Variants in PRRC2B observed in about 807,000 individuals in gnomAD.
PRRC2B encodes the protein proline rich coiled-coil 2B, also known as protein PRRC2B.
PRRC2B carries 68 observed loss-of-function variants against 242.3 expected under a neutral mutation model. That is an observed-to-expected ratio of 0.28 (90% CI 0.23 to 0.34). The LOEUF (loss-of-function observed/expected upper bound fraction) is 0.34. Among genes scored for constraint, PRRC2B ranks in the 10% least tolerant of loss-of-function variants. The pLI, the probability that PRRC2B is intolerant of heterozygous loss-of-function variation, is 1.00. For missense variants in PRRC2B, 2,835 were observed against 2,954.8 expected (o/e 0.96, Z 0.94); for synonymous variants, 1,228 against 1,173.6 (o/e 1.05, Z -0.95).
chr9:131,479,280 C>G lies in PRRC2B; in HGVS notation c.4787C>G (p.Ser1596Cys). 6.2e-7 allele frequency: 1 copy of G among 1,613,890 alleles called. No individual in the cohort carries two copies. Among genetic ancestry groups the G allele is most frequent in the Non-Finnish European group, 8.5e-7 (1 of 1,179,840 alleles). The change falls in exon 19 of 32, where the codon TCC (serine) becomes TGC (cysteine). Residue 1596 changes from serine (S) to cysteine (C), a missense_variant. Transcript: ENST00000683519. ...CCTGTCAAAGGTCGAGGCCTTTCCTCCCGTATTCCTCCTCGATTTGCAAAA... is the reference window on the plus strand; with the variant it reads ...CCTGTCAAAGGTCGAGGCCTTTCCTGCCGTATTCCTCCTCGATTTGCAAAA... ...QVPVKGRGLS[S>C]RIPPRFAKKQ...
intron 1 of PRRC2B, among the ~76,000 whole-genome samples, chr9:131,418,157 A>G (rs1226940685): frequency 1.3e-5 from 2 of 152,234 alleles, no homozygotes; most frequent in African/African-American, 2.4e-5. Context: ...GCCAAGGAGC[A>G]TTGCATCAGG....
chr9:131,417,941 C>T (rs998544044), intron 1 of PRRC2B, among the ~76,000 whole-genome samples: 3 of 152,192 alleles, frequency 2.0e-5, no homozygotes, highest in East Asian at 1.9e-4. Flanking sequence ...TTGCTGTGGT[C>T]GCTACAGAGC....
At chr9:131,406,368 T>C (rs1240502207) in intron 1 of PRRC2B, among the ~76,000 whole-genome samples, 1 of 152,168 alleles carries the variant, frequency 6.6e-6, no homozygotes, top group Non-Finnish European at 1.5e-5. Flanking sequence ...AGCTGGCAGC[T>C]GCCCTGTGTC....
chr9:131,492,621 A>G (rs1944227801), intron 30 of PRRC2B, among the ~76,000 whole-genome samples: 1 of 152,208 alleles, frequency 6.6e-6, no homozygotes, highest in African/African-American at 2.4e-5. Flanking sequence ...CATCCTGGCA[A>G]GGGGAGGAGC....
intron 1 of PRRC2B, among the ~76,000 whole-genome samples, chr9:131,377,000 C>T (rs1836693750): frequency 2.0e-5 from 3 of 152,108 alleles, no homozygotes; most frequent in Admixed American, 6.6e-5. Flanking sequence ...CAGCAAGACC[C>T]GGTCCGTTGA....
chr9:131,408,208 C>T (rs1185903246), intron 1 of PRRC2B, among the ~76,000 whole-genome samples: 13 of 152,308 alleles, frequency 8.5e-5, no homozygotes, highest in African/African-American at 2.9e-4. Flanking sequence ...TGAGAGGTCT[C>T]GGGCCTTGCT....
At chr9:131,495,390 T>G (rs1385230630) in intron 31 of PRRC2B, among the ~76,000 whole-genome samples, 4 of 152,122 alleles carry the variant, frequency 2.6e-5, no homozygotes, top group Non-Finnish European at 4.4e-5. Flanking sequence ...CTTTTTTGCC[T>G]GTGGGGCAGG....
chr9:131,381,417 C>CTTT (rs34806343), intron 1 of PRRC2B, among the ~76,000 whole-genome samples: 4 of 102,460 alleles, frequency 3.9e-5, no homozygotes, highest in Non-Finnish European at 5.9e-5. Context: ...AGTTCTGGTT[C>CTTT]TTTTTTTTTT....
rs1389742685 is a variant in PRRC2B, at chr9:131,487,257, C to G, written c.5947C>G (p.Gln1983Glu). Residue 1983 changes from glutamine to glutamate, a missense_variant, in exon 27 of 32, where the codon CAG becomes GAG. Transcript: ENST00000683519. This position sits in a 1 kb window ranked among gnomAD's most constrained non-coding sequence, Gnocchi z 5.3. ...ACTGAGGGGTGGGCTTCCTGTGTCC[C>G]AGTCCCAGGAGATCTTCAGCTCCTT... ...LGLRGGLPVS[Q>E]SQEIFSSLQP... is the part of the protein sequence containing the mutation. 13 of 1,612,594 alleles carry G rather than the reference C, an allele frequency of 8.1e-6. No individual in the cohort carries two copies. The highest frequency in any genetic ancestry group is 1.0e-5 in the Non-Finnish European group (12 of 1,179,174).
At chr9:131,389,209 G>A (rs190207185), upstream of PRRC2B, among the ~76,000 whole-genome samples, 132 of 144,108 alleles carry the variant, frequency 9.2e-4, 3 homozygotes, top group African/African-American at 3.3e-3. Context: ...CGGGAATGCA[G>A]TGCTGGGATC....
chr9:131,477,826 G>T lies in PRRC2B; in HGVS notation c.4489G>T (p.Ala1497Ser), dbSNP rs148305718. Residue 1497 changes from alanine (A) to serine (S), a missense_variant, in exon 17 of 32, where the codon GCC (alanine) becomes TCC (serine). Physicochemically the swap from Ala to Ser is moderately conservative, Grantham distance 99. Coordinates refer to ENST00000683519, the MANE Select transcript of PRRC2B (RefSeq NM_013318.4). ...GHSPYALERA[A>S]HASADLPEAS... ...CTCCCCCTATGCCCTGGAGCGGGCA[G>T]CCCATGCCAGTGCTGACCTTCCCGA... 5.9e-4 allele frequency: 946 copies of T among 1,613,372 alleles called. 6 individuals carry two copies. In the African/African-American group the frequency reaches 0.011, roughly 19 times the overall value.
At chr9:131,389,915 G>GTTTTTTTTTTTTTTTT (rs1291046977), upstream of PRRC2B, among the ~76,000 whole-genome samples, 1 of 93,446 alleles carries the variant, frequency 1.1e-5, no homozygotes, top group African/African-American at 3.7e-5. Context: ...GAACATGGTT[G>GTTTTTTTTTTTTTTTT]TTTTTTTTTT....
rs980710277 is a variant in PRRC2B, at chr9:131,494,677, G to A, written c.6555+191G>A. The stretch of plus-strand genomic sequence containing the variant: ...TGGCGAAGGCATTTCTCCTCTTGAC[G>A]GGCGTCTGGATCCTTCCTTGTCCTG... On this transcript the variant is annotated intron_variant, in intron 31 of 31. Transcript: ENST00000683519. This position sits in a 1 kb window ranked among gnomAD's most constrained non-coding sequence, Gnocchi z 4.3. Among the ~76,000 whole-genome samples the A allele has an allele frequency of 1.3e-5, 2 of 152,204 alleles. No homozygotes were observed. Among genetic ancestry groups the A allele is most frequent in the African/African-American group, 4.8e-5 (2 of 41,450 alleles).
Position 131,491,520 on chromosome 9 carries a change from G to A in PRRC2B, c.6321G>A (p.Gly2107=), listed in dbSNP as rs770073179. Residue 2107 remains glycine (G), a synonymous_variant, in exon 29 of 32, where the codon GGG becomes GGA. Coordinates refer to ENST00000683519, the MANE Select transcript of PRRC2B (RefSeq NM_013318.4). ...CACCTGGGCAGAGCCTCTCCGTTGG[G>A]GCCCCCCGAAGGATTCCTCCGCCCG... ...QLPPGQSLSV[G]APRRIPPPGS... The A allele has an allele frequency of 6.2e-7, 1 of 1,612,276 alleles. No homozygotes were observed. Among genetic ancestry groups the A allele is most frequent in the South Asian group, 1.1e-5 (1 of 90,880 alleles).
chr9:131,431,627 G>A (rs977943110), intron 2 of PRRC2B, among the ~76,000 whole-genome samples: 2 of 144,352 alleles, frequency 1.4e-5, no homozygotes, highest in Admixed American at 7.1e-5. Context: ...CTGTTGCTCA[G>A]GCTGGATGGA....
chr9:131,491,592 C>T lies in PRRC2B; in HGVS notation c.6381+12C>T, dbSNP rs776585215. Reference sequence around the variant, plus strand: ...ACACCAGCAGAGAGGTAAGGGGACCCCATCTGCCTCTGACCCTAGGGAGGG... The same window carrying T: ...ACACCAGCAGAGAGGTAAGGGGACCTCATCTGCCTCTGACCCTAGGGAGGG... On this transcript the variant is annotated intron_variant, in intron 29 of 31. Transcript: ENST00000683519. 1.1e-5 allele frequency: 17 copies of T among 1,602,266 alleles called. No homozygotes were observed. The South Asian group carries it at 1.2e-4, about 12-fold the overall frequency.
At position 131,461,231 on chromosome 9, in the gene PRRC2B, G is replaced by C. The variant is rs148748917; in HGVS notation, c.1404+1875G>C. On this transcript the variant is annotated intron_variant, in intron 11 of 31. Transcript: ENST00000683519. ...CACATATGCTCTCCTTGCCCACTCA[G>C]ATGTCATTGTCCCCACTCCTGGATG... 7.7e-3 allele frequency among the ~76,000 whole-genome samples: 1,176 copies of C among 152,258 alleles called. 11 individuals carry two copies. Among genetic ancestry groups the C allele is most frequent in the Middle Eastern group, 0.024 (7 of 294 alleles).
rs201633009 is a variant in PRRC2B, at chr9:131,465,057, A to G, written c.1699A>G (p.Asn567Asp). ...PSAEKASPQENGPAVHKGSPE... is the reference protein window; with the variant it reads ...PSAEKASPQEDGPAVHKGSPE... Reference sequence around the variant, plus strand: ...TGCTGAGAAGGCATCTCCCCAGGAAAACGGCCCTGCTGTCCACAAAGGTAA... The same window carrying G: ...TGCTGAGAAGGCATCTCCCCAGGAAGACGGCCCTGCTGTCCACAAAGGTAA... Residue 567 changes from asparagine (N) to aspartate (D), a missense_variant, in exon 12 of 32, where the codon AAC (asparagine) becomes GAC (aspartate). Asn to Asp is a conservative substitution (Grantham distance 23). Transcript: ENST00000683519. 1,537 of 1,613,412 alleles carry G rather than the reference A, an allele frequency of 9.5e-4. 4 individuals are homozygous for G. Among genetic ancestry groups the G allele is most frequent in the Middle Eastern group, 3.8e-3 (23 of 6,058 alleles).
At chr9:131,478,288 G>T (rs764113686) in intron 17 of PRRC2B, among the ~76,000 whole-genome samples, 186 bp from the exon 18 acceptor site, 14 of 152,192 alleles carry the variant, frequency 9.2e-5, no homozygotes, top group Non-Finnish European at 2.1e-4. Flanking sequence ...TCTCTCAGTT[G>T]TGCCCTTGGG....
Sources: allele counts gnomAD v4.1 joint callset (sites outside exome capture counted in the v4.1 genomes callset), GRCh38; gene constraint gnomAD v4.1.1; non-coding constraint Gnocchi (gnomAD v3.1); transcripts MANE v1.5; gene names NCBI Gene and HGNC (gene_info 2026-07-23, HGNC 2026-07-21).